Variants in FHOD3 observed in about 807,000 individuals in gnomAD.
The protein encoded by FHOD3 is FH1/FH2 domain-containing protein 3.
In FHOD3, 90 loss-of-function variants were observed where a neutral mutation model predicts 173.0. The observed-to-expected ratio is 0.52, with a 90% confidence interval of 0.44 to 0.62. The LOEUF is 0.62. Ranked by LOEUF, FHOD3 falls within the 20% of genes least tolerant of loss-of-function variation. The pLI, the probability that FHOD3 is intolerant of heterozygous loss-of-function variation, is 0.00. For synonymous variants in FHOD3, 828 were observed against 823.0 expected (o/e 1.01, Z -0.10); for missense variants, 1,945 against 2,034.7 (o/e 0.96, Z 0.85).
intron 11 of FHOD3, among the ~76,000 whole-genome samples, chr18:36,651,730 T>G (rs1391171676): frequency 6.7e-6 from 1 of 150,114 alleles, no homozygotes; most frequent in Non-Finnish European, 1.5e-5. Flanking sequence ...AGAGCAAAAC[T>G]CTGTTCAAAA....
chr18:36,664,099 C>G (rs1174200302), intron 14 of FHOD3, among the ~76,000 whole-genome samples: 16 of 152,144 alleles, frequency 1.1e-4, no homozygotes, highest in Admixed American at 1.0e-3. Flanking sequence ...AAAAAATTGT[C>G]AGTGGAATTG....
chr18:36,602,400 GA>G (rs1190140500), intron 7 of FHOD3, among the ~76,000 whole-genome samples: 1 of 152,162 alleles, frequency 6.6e-6, no homozygotes, highest in Non-Finnish European at 1.5e-5. Context: ...TTAATATGAA[GA>G]AATTTTCAAG....
intron 17 of FHOD3, among the ~76,000 whole-genome samples, chr18:36,702,804 CTGTGTG>C: frequency 6.6e-6 from 1 of 152,320 alleles, no homozygotes; most frequent in Non-Finnish European, 1.5e-5. Context: ...TTCCTGCCCA[CTGTGTG>C]TGTGTGCGCG....
intron 23 of FHOD3, 41 bp from the exon 24 acceptor site, chr18:36,746,904 G>T: frequency 6.7e-7 from 1 of 1,497,724 alleles, no homozygotes. Flanking sequence ...GCTGGTGTCC[G>T]GCGGTTTCAG....
At chr18:36,408,444 G>T (rs919582064) in intron 3 of FHOD3, among the ~76,000 whole-genome samples, 3 of 152,144 alleles carry the variant, frequency 2.0e-5, no homozygotes, top group African/African-American at 7.2e-5. Context: ...TGTGGGCCAG[G>T]CTAATGGGTG....
At chr18:36,420,344 A>G (rs2049923988) in intron 3 of FHOD3, among the ~76,000 whole-genome samples, 1 of 152,194 alleles carries the variant, frequency 6.6e-6, no homozygotes, top group African/African-American at 2.4e-5. Flanking sequence ...CCAGCTGTGA[A>G]CACCCAGGAA....
chr18:36,369,949 C>T (rs1404325667), intron 2 of FHOD3, among the ~76,000 whole-genome samples: 1 of 152,118 alleles, frequency 6.6e-6, no homozygotes, highest in African/African-American at 2.4e-5. Flanking sequence ...TTTCCACCAG[C>T]CCTGTATGCA....
At chr18:36,452,828 G>A (rs1422106842) in intron 3 of FHOD3, among the ~76,000 whole-genome samples, 1 of 151,864 alleles carries the variant, frequency 6.6e-6, no homozygotes, top group Non-Finnish European at 1.5e-5. Flanking sequence ...GTATATATAT[G>A]TGTGTGTATG....
At chr18:36,602,963 G>C (rs754797324) in intron 8 of FHOD3, among the ~76,000 whole-genome samples, 195 bp downstream of exon 8, 28 of 152,164 alleles carry the variant, frequency 1.8e-4, no homozygotes, top group Non-Finnish European at 3.1e-4. Flanking sequence ...AAGACGATGT[G>C]AACATGCAAA....
At chr18:36,482,891 AGAG>A in intron 3 of FHOD3, among the ~76,000 whole-genome samples, 1 of 134,606 alleles carries the variant, frequency 7.4e-6, no homozygotes, top group Non-Finnish European at 1.6e-5. Context: ...AGAGAGAGAG[AGAG>A]AACGAGAACA....
chr18:36,665,481 A>G (rs888897798), intron 14 of FHOD3, among the ~76,000 whole-genome samples: 3 of 152,194 alleles, frequency 2.0e-5, no homozygotes, highest in Non-Finnish European at 4.4e-5. Context: ...GGGGCCTAGC[A>G]CAGGTGCTCT....
chr18:36,364,080 C>CT (rs2046766784), intron 2 of FHOD3, among the ~76,000 whole-genome samples: 2 of 152,118 alleles, frequency 1.3e-5, no homozygotes, highest in Non-Finnish European at 2.9e-5. Flanking sequence ...TAGGATCTGG[C>CT]TTTTGTCTTT....
intron 15 of FHOD3, among the ~76,000 whole-genome samples, chr18:36,685,438 A>C (rs573022724): frequency 6.6e-6 from 1 of 152,300 alleles, no homozygotes; most frequent in African/African-American, 2.4e-5. Context: ...CAAATGACTG[A>C]CCTTTTATCA....
At position 36,612,052 on chromosome 18, in the gene FHOD3, A is replaced by G; in HGVS notation, c.914A>G (p.Lys305Arg). The change falls in exon 9 of 29, where the codon AAA becomes AGA. Residue 305 changes from lysine to arginine, a missense_variant. Transcript: ENST00000590592. ...AAVSQRHLNK[K>R]GTDLDLVEQL... ...GTGTCCCAGAGGCACTTGAACAAGA[A>G]AGGGACTGACCTGGACTTAGTGGAG... The G allele has an allele frequency of 6.2e-7, 1 of 1,614,178 alleles. No individual in the cohort carries two copies. The highest frequency in any genetic ancestry group is 1.3e-5 in the African/African-American group (1 of 75,038).
intron 3 of FHOD3, among the ~76,000 whole-genome samples, chr18:36,438,692 C>T (rs1479074042): frequency 6.6e-6 from 1 of 152,252 alleles, no homozygotes; most frequent in Admixed American, 6.5e-5. Context: ...CTGGTGTCTG[C>T]TGCCCCAGTG....
chr18:36,731,777 G>A (rs2041374038), intron 20 of FHOD3, among the ~76,000 whole-genome samples: 1 of 152,224 alleles, frequency 6.6e-6, no homozygotes, highest in Non-Finnish European at 1.5e-5. Flanking sequence ...CATGGCCCTG[G>A]GAATGGGAGG....
intron 3 of FHOD3, among the ~76,000 whole-genome samples, chr18:36,438,782 C>T (rs2050959759): frequency 6.6e-6 from 1 of 152,210 alleles, no homozygotes; most frequent in Non-Finnish European, 1.5e-5. Context: ...TTCATCCTGT[C>T]TTCAGGCTCA....
At chr18:36,688,321 G>C (rs531679339) in intron 16 of FHOD3, among the ~76,000 whole-genome samples, 2 of 152,364 alleles carry the variant, frequency 1.3e-5, no homozygotes, top group African/African-American at 4.8e-5. Context: ...CCAATAAGAA[G>C]TAGAATTGTG....
chr18:36,441,236 G>A (rs575221186), intron 3 of FHOD3, among the ~76,000 whole-genome samples: 1 of 152,244 alleles, frequency 6.6e-6, no homozygotes, highest in African/African-American at 2.4e-5. Context: ...GCTTCCCACA[G>A]GCTGCACCTG....
Sources: gnomAD v4.1 joint callset for allele counts (sites outside exome capture counted in the v4.1 genomes callset) on GRCh38, gnomAD v4.1.1 for gene constraint, MANE v1.5 for transcripts, NCBI Gene and HGNC (gene_info 2026-07-23, HGNC 2026-07-21) for gene names.